Variants in TRHDE observed in about 807,000 individuals in gnomAD.
The protein encoded by TRHDE is thyrotropin releasing hormone degrading enzyme.
Under a neutral mutation model 125.7 loss-of-function variants are expected in TRHDE, and 72 were observed. The ratio of observed to expected loss-of-function variants is 0.57; its 90% CI spans 0.47 to 0.70. TRHDE has a LOEUF of 0.70. Ranked by LOEUF, TRHDE falls within the 30% of genes least tolerant of loss-of-function variation. TRHDE has a pLI of 0.00. For missense variants in TRHDE, 1,110 were observed against 1,327.1 expected (o/e 0.84, Z 2.54); for synonymous variants, 509 against 509.1 (o/e 1.00, Z 0.00).
At chr12:72,363,176 C>T (rs748845880) in intron 2 of TRHDE, among the ~76,000 whole-genome samples, 4 of 151,454 alleles carry the variant, frequency 2.6e-5, no homozygotes, top group African/African-American at 9.7e-5. Context: ...GATTCACAGC[C>T]GAATTCTACC....
rs750998286 is a variant in TRHDE, at chr12:72,469,746, T to C, written c.1316-12T>C. 7.4e-6 allele frequency: 12 copies of C among 1,612,852 alleles called. No homozygotes were observed. In the East Asian group the frequency reaches 2.7e-4, roughly 36 times the overall value. On this transcript the variant is annotated splice_polypyrimidine_tract_variant and intron_variant, in intron 3 of 18. Coordinates refer to ENST00000261180, the MANE Select transcript of TRHDE (RefSeq NM_013381.3). The stretch of plus-strand genomic sequence containing the variant: ...TGTTAAAGCCTTTGGAACTGTTTTA[T>C]TTTATTTCTAGATCTTTTAGCTGTG...
intron 2 of TRHDE, among the ~76,000 whole-genome samples, chr12:72,122,611 C>CT (rs1319673613): frequency 6.6e-6 from 1 of 151,700 alleles, no homozygotes; most frequent in East Asian, 1.9e-4. Context: ...AAGAAGGTAA[C>CT]TTTTTTTTAA....
At chr12:72,154,493 T>C (rs1458570307) in intron 2 of TRHDE, among the ~76,000 whole-genome samples, 1 of 152,228 alleles carries the variant, frequency 6.6e-6, no homozygotes, top group African/African-American at 2.4e-5. Flanking sequence ...CTAGCCTCGA[T>C]GGTCTTTACA....
chr12:72,280,483 C>T (rs556290450), intron 1 of TRHDE, among the ~76,000 whole-genome samples: 5 of 152,046 alleles, frequency 3.3e-5, no homozygotes, highest in African/African-American at 1.2e-4. Context: ...TTTGTTTTTA[C>T]CACCTAAGCA....
At chr12:72,195,217 G>A (rs1251124815) in intron 2 of TRHDE, among the ~76,000 whole-genome samples, 2 of 152,044 alleles carry the variant, frequency 1.3e-5, no homozygotes, top group African/African-American at 2.4e-5. Context: ...CACGACACGC[G>A]GGGATTATGG....
At position 72,667,018 on chromosome 12, in the gene TRHDE, A is replaced by G. The variant is rs1261625882; in HGVS notation, c.*3823A>G. The G allele has an allele frequency of 6.6e-6, 1 of 152,014 alleles. No individual in the cohort carries two copies. The highest frequency in any genetic ancestry group is 1.5e-5 in the Non-Finnish European group (1 of 67,928). 9.4% of individuals were successfully genotyped at this position (152,014 alleles called of 1,614,324 possible). A position where few individuals can be genotyped will look rare whatever the true frequency, so the allele number is the denominator to read the frequency against. ...GTCAGAATGCAGATAAATTGTGTGC[A>G]TCTCAATCAGTAAAAATAATATTCA... On this transcript the variant is annotated 3_prime_UTR_variant, in exon 19 of 19. Coordinates refer to ENST00000261180, the MANE Select transcript of TRHDE (RefSeq NM_013381.3).
rs1046073585 is a variant in TRHDE, at chr12:72,356,359, A to G, written c.1189-21636A>G. 5.9e-5 allele frequency among the ~76,000 whole-genome samples: 9 copies of G among 151,568 alleles called. No individual in the cohort carries two copies. The Admixed American group carries it at 6.0e-4, about 10-fold the overall frequency. On this transcript the variant is annotated intron_variant, in intron 2 of 18. Transcript: ENST00000261180. ...AGAACACATGGACACAGAGAGGGGA[A>G]CAACAGACAACGGGGTCTACTTGAG...
At chr12:72,522,325 A>T (rs1868264894) in intron 6 of TRHDE, among the ~76,000 whole-genome samples, 1 of 152,218 alleles carries the variant, frequency 6.6e-6, no homozygotes, top group African/African-American at 2.4e-5. Context: ...AATTATTTAC[A>T]TCTATCTGTA....
chr12:72,285,302 G>A (rs532241691), intron 1 of TRHDE, among the ~76,000 whole-genome samples: 2 of 152,258 alleles, frequency 1.3e-5, no homozygotes, highest in Non-Finnish European at 2.9e-5. Flanking sequence ...GATTAACCAT[G>A]TATATCACAG....
intron 5 of TRHDE, among the ~76,000 whole-genome samples, chr12:72,484,216 G>A (rs514912): frequency 0.17 from 26,462 of 152,070 alleles, 2,975 homozygotes; most frequent in East Asian, 0.5. Context: ...TATGACTAAT[G>A]TGCAAAATGA....
rs769117757 is a variant in TRHDE, at chr12:72,286,929, A to G, written c.1163A>G (p.Glu388Gly). The G allele has an allele frequency of 3.7e-6, 6 of 1,613,932 alleles. No homozygotes were observed. The South Asian group carries it at 6.6e-5, about 18-fold the overall frequency. Residue 388 changes from glutamate to glycine, a missense_variant, in exon 2 of 19, where the codon GAA (glutamate) becomes GGA (glycine). Glu to Gly is a moderately conservative substitution (Grantham distance 98). Around this residue, in one of 5 missense-constraint regions of TRHDE, gnomAD observed 252 missense variants for 274.8 expected, o/e 0.92. Coordinates refer to ENST00000261180, the MANE Select transcript of TRHDE (RefSeq NM_013381.3). ...GCAATTTGCAACTTCACATACAGAGAAACTACCACCAAGAGTGGGGTTGTA... is the reference window on the plus strand; with the variant it reads ...GCAATTTGCAACTTCACATACAGAGGAACTACCACCAAGAGTGGGGTTGTA... ...AWAICNFTYR[E>G]TTTKSGVVVR...
intron 15 of TRHDE, among the ~76,000 whole-genome samples, chr12:72,624,291 T>C (rs1254260454): frequency 6.6e-6 from 1 of 151,970 alleles, no homozygotes; most frequent in Non-Finnish European, 1.5e-5. Context: ...CCAGTAATCC[T>C]TGTTTGTTTG....
At chr12:72,331,182 A>C (rs1020996675) in intron 2 of TRHDE, among the ~76,000 whole-genome samples, 2 of 151,248 alleles carry the variant, frequency 1.3e-5, no homozygotes, top group Non-Finnish European at 3.0e-5. Flanking sequence ...TTGGGCTCCC[A>C]CAAGTCAAAA....
intron 2 of TRHDE, among the ~76,000 whole-genome samples, chr12:72,202,439 A>G (rs1248541202): frequency 6.6e-6 from 1 of 152,220 alleles, no homozygotes; most frequent in Non-Finnish European, 1.5e-5. Context: ...TGTTTTTATA[A>G]GAGTAATTAA....
chr12:72,291,650 T>C (rs769865963), intron 2 of TRHDE, among the ~76,000 whole-genome samples: 14 of 152,246 alleles, frequency 9.2e-5, no homozygotes, highest in Admixed American at 2.6e-4. Context: ...ATTTTTCTGG[T>C]TCTTCTTCCC....
chr12:72,107,591 C>A (rs1482087136), intron 2 of TRHDE, among the ~76,000 whole-genome samples: 3 of 152,028 alleles, frequency 2.0e-5, no homozygotes, highest in African/African-American at 4.8e-5. Flanking sequence ...TCTCTGTTTT[C>A]TATCTTCCAC....
intron 18 of TRHDE, among the ~76,000 whole-genome samples, chr12:72,660,477 C>T (rs1346574034): frequency 6.6e-6 from 1 of 152,128 alleles, no homozygotes. Flanking sequence ...ACTGGCATTA[C>T]CGCTTGACCA....
At chr12:72,212,793 A>G (rs1877810173) in intron 2 of TRHDE, among the ~76,000 whole-genome samples, 2 of 152,168 alleles carry the variant, frequency 1.3e-5, no homozygotes, top group East Asian at 3.8e-4. Context: ...AAAATGCTAA[A>G]CATAGAGTTA....
intron 2 of TRHDE, among the ~76,000 whole-genome samples, chr12:72,300,743 G>A (rs1478153731): frequency 1.3e-5 from 2 of 151,852 alleles, no homozygotes; most frequent in African/African-American, 2.4e-5. Context: ...GCATAGCACA[G>A]CTCCTTGCAG....
Sources: allele counts gnomAD v4.1 joint callset (sites outside exome capture counted in the v4.1 genomes callset), GRCh38; gene constraint gnomAD v4.1.1; regional missense constraint gnomAD v4.1.1; transcripts MANE v1.5; gene names NCBI Gene and HGNC (gene_info 2026-07-23, HGNC 2026-07-21).